DDX60: variants seen among roughly 807,000 people sequenced by gnomAD.
DDX60 encodes probable ATP-dependent RNA helicase DDX60.
DDX60 carries 165 observed loss-of-function variants against 212.8 expected under a neutral mutation model. The observed-to-expected ratio is 0.78, with a 90% CI of 0.68 to 0.88. DDX60 has a LOEUF of 0.88. DDX60 is among the 40% of genes least tolerant of loss of function. DDX60 has a pLI of 0.00. For synonymous variants in DDX60, 703 were observed against 685.3 expected, an observed-to-expected ratio of 1.03 and a Z score of -0.40; for missense variants, 1,905 against 2,003.9, an observed-to-expected ratio of 0.95 and a Z score of 0.94.
At chr4:168,240,852 G>A (rs1245606776) in intron 30 of DDX60, among the ~76,000 whole-genome samples, 1 of 152,122 alleles carries the variant, frequency 6.6e-6, no homozygotes, top group Non-Finnish European at 1.5e-5. Flanking sequence ...AGATAACCTA[G>A]GCAATACTAT....
chr4:168,256,112 C>T (rs1225611440), intron 25 of DDX60, among the ~76,000 whole-genome samples: 2 of 148,198 alleles, frequency 1.3e-5, no homozygotes, highest in East Asian at 2.0e-4. Flanking sequence ...CACCCCACCC[C>T]GCCACCCAGA....
chr4:168,285,407 C>T lies in DDX60; in HGVS notation c.1431G>A (p.Leu477=). ...TGGCCTTATACCTCTTTAGAAAAGG[C>T]AAATCTTTCAAAATATCTCCAGCAA... ...DKFAGDILKD[L]PFLKSDDPIV... Residue 477 remains leucine (L), a synonymous_variant, in exon 11 of 38, where the codon TTG becomes TTA. Coordinates refer to ENST00000393743, the MANE Select transcript of DDX60 (RefSeq NM_017631.6). 6.2e-7 allele frequency: 1 copy of T among 1,609,088 alleles called. No homozygotes were observed. The highest frequency in any genetic ancestry group is 2.2e-5 in the East Asian group (1 of 44,712).
At chr4:168,325,516 T>A in the DDX60 span, among the ~76,000 whole-genome samples, 1 of 152,212 alleles carries the variant, frequency 6.6e-6, no homozygotes, top group Non-Finnish European at 1.5e-5. Context: ...AGTGATTATG[T>A]CAATAACAAT....
At position 168,310,787 on chromosome 4, in the gene DDX60, C is replaced by T. The variant is rs114349079; in HGVS notation, c.74+211G>A. Among the ~76,000 whole-genome samples the T allele has an allele frequency of 9.4e-3, 1,435 of 152,128 alleles. 23 individuals carry two copies. Among genetic ancestry groups the T allele is most frequent in the African/African-American group, 0.032 (1,348 of 41,510 alleles). ...CTTGTTACAAAGTTATCTCATTATC[C>T]GGCTGGCATGAATTTAGAAAAAATA... is the stretch of plus-strand genomic sequence containing the variant. On this transcript the variant is annotated intron_variant, in intron 3 of 37. Transcript: ENST00000393743.
Position 168,306,681 on chromosome 4 carries a change from A to G in DDX60, c.304T>C (p.Ser102Pro), listed in dbSNP as rs761116673. 1.3e-5 allele frequency: 21 copies of G among 1,613,924 alleles called. No individual in the cohort carries two copies. The Admixed American group carries it at 3.3e-4, about 26-fold the overall frequency. ...TGAAGAATTAAAGCAGTTCTCAAAG[A>G]AAGAAGTTCAGGGAAGTTGAAATAC... ...YAYFNFPELLSLRTALILHLQ... is the reference protein window; with the variant it reads ...YAYFNFPELLPLRTALILHLQ... The change falls in exon 5 of 38, where the codon TCT becomes CCT. Residue 102 changes from serine to proline, a missense_variant. Physicochemically the swap from Ser to Pro is moderately conservative, Grantham distance 74 (BLOSUM62 -1). Coordinates refer to ENST00000393743, the MANE Select transcript of DDX60 (RefSeq NM_017631.6).
chr4:168,277,310 G>A (rs773472528), intron 14 of DDX60, among the ~76,000 whole-genome samples: 78 of 152,136 alleles, frequency 5.1e-4, no homozygotes, highest in Non-Finnish European at 1.0e-3. Context: ...TGGTCTCAAA[G>A]GTGAATGACA....
intron 33 of DDX60, among the ~76,000 whole-genome samples, chr4:168,227,850 C>T (rs1560812345): frequency 2.6e-5 from 4 of 151,858 alleles, no homozygotes; most frequent in Non-Finnish European, 5.9e-5. Context: ...TTTAACTTTT[C>T]ACGCAATTGA....
intron 26 of DDX60, among the ~76,000 whole-genome samples, chr4:168,253,802 G>A (rs888357958): frequency 3.3e-5 from 5 of 152,050 alleles, no homozygotes; most frequent in African/African-American, 7.2e-5. Context: ...AGACTCCTCC[G>A]TAAACCCTGG....
Position 168,236,312 on chromosome 4 carries a change from A to G in DDX60, c.4473T>C (p.Phe1491=), listed in dbSNP as rs202237587. 27 of 1,611,224 alleles carry G rather than the reference A, an allele frequency of 1.7e-5. No homozygotes were observed. In the African/African-American group the frequency reaches 3.5e-4, roughly 21 times the overall value. Residue 1491 remains phenylalanine (F), a synonymous_variant, in exon 33 of 38, where the codon TTT becomes TTC. Coordinates refer to ENST00000393743, the MANE Select transcript of DDX60 (RefSeq NM_017631.6). ...EKLVLVLAHL[F]GRRYFPPKFQ... is the part of the protein sequence containing the mutation. ...ACTTTGGTGGAAAATATCTTCTTCC[A>G]AAGAGATGTGCCAATACTAATACTA...
chr4:168,305,272 T>C (rs1736825493), intron 5 of DDX60, among the ~76,000 whole-genome samples: 1 of 152,246 alleles, frequency 6.6e-6, no homozygotes, highest in African/African-American at 2.4e-5. Context: ...TCTTGGAATG[T>C]ATCCATGTGA....
intron 6 of DDX60, among the ~76,000 whole-genome samples, chr4:168,296,338 T>C (rs1403448862): frequency 6.6e-6 from 1 of 151,976 alleles, no homozygotes; most frequent in Admixed American, 6.5e-5. Context: ...TAAAAGGAAC[T>C]ACCTAAGGGG....
At chr4:168,230,901 T>G (rs1733427434) in intron 33 of DDX60, among the ~76,000 whole-genome samples, 1 of 151,710 alleles carries the variant, frequency 6.6e-6, no homozygotes, top group Admixed American at 6.6e-5. Context: ...TAAATGAAAC[T>G]AAAAGCTGGT....
At chr4:168,285,010 G>T in intron 11 of DDX60, 75 bp from the exon 12 acceptor site, 1 of 761,412 alleles carries the variant, frequency 1.3e-6, no homozygotes, top group Non-Finnish European at 2.1e-6. Context: ...ATTTTATAAT[G>T]TTTTTGAAAA....
At chr4:168,234,343 C>T (rs995780334) in intron 33 of DDX60, among the ~76,000 whole-genome samples, 2 of 151,890 alleles carry the variant, frequency 1.3e-5, no homozygotes, top group Admixed American at 6.6e-5. Flanking sequence ...ATTATATATA[C>T]ATTAAACTTT....
At chr4:168,285,000 A>G in intron 11 of DDX60, 65 bp from the exon 12 acceptor site, 2 of 811,760 alleles carry the variant, frequency 2.5e-6, no homozygotes, top group South Asian at 4.3e-5. Context: ...CACAGATTTT[A>G]TTTTATAATG....
intron 33 of DDX60, among the ~76,000 whole-genome samples, chr4:168,227,439 C>T (rs1210994634): frequency 6.6e-6 from 1 of 151,916 alleles, no homozygotes; most frequent in Admixed American, 6.6e-5. Flanking sequence ...GATACTTGTG[C>T]TTTTACTCCC....
chr4:168,299,581 G>A (rs1215372859), intron 6 of DDX60, among the ~76,000 whole-genome samples: 1 of 150,630 alleles, frequency 6.6e-6, no homozygotes, highest in Non-Finnish European at 1.5e-5. Flanking sequence ...AAAAAACCAA[G>A]AGAATTCACA....
chr4:168,286,194 C>T (rs1235683950), intron 10 of DDX60, among the ~76,000 whole-genome samples: 1 of 151,200 alleles, frequency 6.6e-6, no homozygotes, highest in East Asian at 1.9e-4. Flanking sequence ...AATGTGAATT[C>T]CTTTTATTAT....
chr4:168,325,867 C>T, the DDX60 span, among the ~76,000 whole-genome samples: 11 of 152,210 alleles, frequency 7.2e-5, no homozygotes, highest in African/African-American at 2.7e-4. Flanking sequence ...CCTCCTTTGT[C>T]ATATTCTTTC....
Sources: gnomAD v4.1 joint callset for allele counts (sites outside exome capture counted in the v4.1 genomes callset) on GRCh38, gnomAD v4.1.1 for gene constraint, MANE v1.5 for transcripts, NCBI Gene and HGNC (gene_info 2026-07-23, HGNC 2026-07-21) for gene names.